PKHD1: variants seen among roughly 807,000 people sequenced by gnomAD.
The protein encoded by PKHD1 is fibrocystin.
PKHD1 carries 291 observed loss-of-function variants against 412.0 expected under a neutral mutation model. That is an observed-to-expected ratio of 0.71 (90% confidence interval 0.64 to 0.78). The LOEUF (loss-of-function observed/expected upper bound fraction) is 0.78. PKHD1 is among the 30% of genes least tolerant of loss of function. PKHD1 has a pLI of 0.00. For synonymous variants in PKHD1, 1,777 were observed against 1,821.5 expected (o/e 0.98, Z 0.62); for missense variants, 4,825 against 4,950.7 (o/e 0.97, Z 0.76).
intron 52 of PKHD1, among the ~76,000 whole-genome samples, chr6:51,825,162 G>A (rs1767107888): frequency 6.6e-6 from 1 of 152,104 alleles, no homozygotes; most frequent in African/African-American, 2.4e-5. Context: ...TTACATACAT[G>A]CATATATGCT....
At chr6:51,735,328 T>C (rs1301103385) in intron 60 of PKHD1, among the ~76,000 whole-genome samples, 2 of 152,152 alleles carry the variant, frequency 1.3e-5, no homozygotes, top group East Asian at 3.8e-4. Flanking sequence ...TTTTCCCAAA[T>C]GTGAAGGGGT....
chr6:51,964,381 C>G (rs1222831297), intron 35 of PKHD1, among the ~76,000 whole-genome samples: 1 of 152,108 alleles, frequency 6.6e-6, no homozygotes, highest in African/African-American at 2.4e-5. Context: ...TCTGACACCT[C>G]ACCAAAATGT....
At chr6:51,689,248 C>T (rs1777849868) in intron 60 of PKHD1, among the ~76,000 whole-genome samples, 1 of 152,184 alleles carries the variant, frequency 6.6e-6, no homozygotes, top group Admixed American at 6.6e-5. Flanking sequence ...ACAAAAACCA[C>T]ATGATTATCT....
chr6:52,033,184 A>T lies in PKHD1; in HGVS notation c.3229-19T>A, dbSNP rs769177535. 2.5e-6 allele frequency: 4 copies of T among 1,603,320 alleles called. No individual in the cohort carries two copies. The South Asian group carries it at 4.4e-5, about 18-fold the overall frequency. On this transcript the variant is annotated intron_variant, in intron 28 of 66. Transcript: ENST00000371117. ...CTTTCCCCTGAAAAATCAATTTTAA[A>T]AATTAAACCTCAGTTTTATTTTAAA...
chr6:51,668,305 C>A (rs547256468), intron 60 of PKHD1, among the ~76,000 whole-genome samples: 78 of 152,246 alleles, frequency 5.1e-4, no homozygotes, highest in African/African-American at 1.9e-3. Flanking sequence ...CTCTTTGAAG[C>A]AATTGTGAAT....
intron 53 of PKHD1, among the ~76,000 whole-genome samples, chr6:51,787,579 G>C (rs1431137526): frequency 2.6e-5 from 4 of 152,098 alleles, no homozygotes; most frequent in Admixed American, 1.3e-4. Context: ...CTTCCTTCAG[G>C]CACAATACAC....
chr6:51,847,893 G>A lies in PKHD1; in HGVS notation c.7989C>T (p.Asp2663=), dbSNP rs950565294. 36 of 1,613,740 alleles carry A rather than the reference G, an allele frequency of 2.2e-5. No homozygotes were observed. The highest frequency in any genetic ancestry group is 3.0e-5 in the Non-Finnish European group (35 of 1,179,614). The stretch of plus-strand genomic sequence containing the variant: ...CTCGACTCCCACATCTTAGGAGGAT[G>A]TCAGGGTAAGGCGGCAAATCTGTGT... ...LVHTDLPPYP[D]ILLRCGSRVG... Residue 2663 remains aspartate, a synonymous_variant, in exon 50 of 67, where the codon GAC becomes GAT. Transcript: ENST00000371117.
At chr6:52,076,251 C>T in intron 6 of PKHD1, 25 bp downstream of exon 6, 1 of 1,528,706 alleles carries the variant, frequency 6.5e-7, no homozygotes, top group Non-Finnish European at 9.1e-7. Context: ...CACAATTATT[C>T]CTATTTTAAT....
Position 51,626,985 on chromosome 6 carries a change from C to T in PKHD1, c.11785+12G>A, listed in dbSNP as rs765276502. 4.3e-6 allele frequency: 7 copies of T among 1,613,128 alleles called. No homozygotes were observed. In the South Asian group the frequency reaches 6.6e-5, roughly 15 times the overall value. ...CTCTCCTGTGGGGATCATCTCCACC[C>T]TCCAAGCTTACCTTCTCCCACCACA... On this transcript the variant is annotated intron_variant, in intron 66 of 66. Coordinates refer to ENST00000371117, the MANE Select transcript of PKHD1 (RefSeq NM_138694.4).
chr6:51,673,462 C>T (rs1183491104), intron 60 of PKHD1, among the ~76,000 whole-genome samples: 4 of 152,158 alleles, frequency 2.6e-5, no homozygotes, highest in East Asian at 1.9e-4. Flanking sequence ...TTATGGTGGC[C>T]GACTCACTTG....
At chr6:51,803,009 AAG>A (rs373959345) in intron 52 of PKHD1, among the ~76,000 whole-genome samples, 2 of 151,396 alleles carry the variant, frequency 1.3e-5, no homozygotes, top group African/African-American at 4.9e-5. Flanking sequence ...ATTGATGTTT[AAG>A]AGAGAGTTTA....
At chr6:51,915,077 A>G (rs1783562823) in intron 37 of PKHD1, among the ~76,000 whole-genome samples, 1 of 152,072 alleles carries the variant, frequency 6.6e-6, no homozygotes, top group Admixed American at 6.6e-5. Flanking sequence ...GGAAGTTTGC[A>G]CAAAGAAACA....
chr6:51,671,620 C>T (rs554538187), intron 60 of PKHD1, among the ~76,000 whole-genome samples: 64 of 152,174 alleles, frequency 4.2e-4, no homozygotes, highest in African/African-American at 1.0e-3. Flanking sequence ...GGAGGAGAGG[C>T]GCTCTGCTTT....
chr6:51,897,579 T>C (rs1367892991), intron 43 of PKHD1, among the ~76,000 whole-genome samples: 40 of 143,566 alleles, frequency 2.8e-4, no homozygotes, highest in East Asian at 8.6e-4. Flanking sequence ...GTAAAGACCA[T>C]TGAGACTAGG....
intron 60 of PKHD1, among the ~76,000 whole-genome samples, chr6:51,717,232 CA>C (rs1195497358): frequency 6.6e-6 from 1 of 152,072 alleles, no homozygotes; most frequent in African/African-American, 2.4e-5. Context: ...GCCAACATGG[CA>C]AAACCCTGTC....
At chr6:51,790,561 G>A (rs772386247) in intron 53 of PKHD1, among the ~76,000 whole-genome samples, 27 of 152,214 alleles carry the variant, frequency 1.8e-4, no homozygotes, top group Middle Eastern at 3.4e-3. Context: ...GAATGGGCCA[G>A]GTGAGATGCT....
At chr6:52,056,865 C>T (rs1425465188) in intron 17 of PKHD1, 25 bp downstream of exon 17, 5 of 1,599,160 alleles carry the variant, frequency 3.1e-6, no homozygotes, top group African/African-American at 1.3e-5. Context: ...ACTCCCCTCC[C>T]TCATTTTTTG....
At chr6:52,084,830 G>A in intron 2 of PKHD1, 52 bp downstream of exon 2, 8 of 1,090,248 alleles carry the variant, frequency 7.3e-6, no homozygotes, top group Non-Finnish European at 1.0e-5. Flanking sequence ...TAGTTCTCAA[G>A]GTAACCTATT....
In PKHD1 at chr6:51,657,875, C is replaced by T. The variant is rs192371660; in HGVS notation, c.11174+1077G>A. Among the ~76,000 whole-genome samples the T allele has an allele frequency of 2.0e-4, 30 of 152,118 alleles. 1 individual carries two copies. The East Asian group carries it at 2.1e-3, about 11-fold the overall frequency. On this transcript the variant is annotated intron_variant, in intron 61 of 66. Transcript: ENST00000371117. ...TATAAAATCAGTCATTTTGGAATTA[C>T]GACCTATTAGAAAGCTCAGTACTGT...
Sources: allele counts gnomAD v4.1 joint callset (sites outside exome capture counted in the v4.1 genomes callset), GRCh38; gene constraint gnomAD v4.1.1; transcripts MANE v1.5; gene names NCBI Gene and HGNC (gene_info 2026-07-23, HGNC 2026-07-21).